The following TSC2 variants were observed in gnomAD, a reference collection of about 807,000 sequenced individuals.
The protein encoded by TSC2 is TSC complex subunit 2.
TSC2 carries 29 observed loss-of-function variants against 202.2 expected under a neutral mutation model. The observed-to-expected ratio is 0.14, with a 90% CI of 0.11 to 0.20. TSC2 has a LOEUF of 0.20. Ranked by LOEUF, TSC2 falls within the 10% of genes least tolerant of loss-of-function variation. The pLI is 1.00. For missense variants in TSC2, 2,429 were observed against 2,420.0 expected, an observed-to-expected ratio of 1.00 and a Z score of -0.08; for synonymous variants, 1,349 against 1,044.0, an observed-to-expected ratio of 1.29 and a Z score of -5.63.
At position 2,077,474 on chromosome 16, in the gene TSC2, G is replaced by A. The variant is rs976314790; in HGVS notation, c.2838-124G>A. 2.2e-5 allele frequency: 32 copies of A among 1,454,146 alleles called. 1 individual carries two copies. Among genetic ancestry groups the A allele is most frequent in the South Asian group, 9.3e-5 (8 of 85,912 alleles). The allele number at this position is 1,454,146 out of a possible 1,614,324, so 90.1% of individuals were successfully genotyped here. ...ATGGCTCTTTTTGCTCATCTCACCC[G>A]CGGGATCTCTCCATCCTGACCCTGT... On this transcript the variant is annotated intron_variant, in intron 25 of 41. Transcript: ENST00000219476.
At chr16:2,064,122 T>G (rs1164356792) in intron 14 of TSC2, 150 bp from the exon 15 acceptor site, 2 of 1,297,490 alleles carry the variant, frequency 1.5e-6, no homozygotes, top group African/African-American at 2.9e-5. Flanking sequence ...TGAGTCGCGC[T>G]CAGCGGGTGC....
chr16:2,078,626 C>A, intron 26 of TSC2: 1 of 321,708 alleles, frequency 3.1e-6, no homozygotes. Flanking sequence ...TGGAAGGCCA[C>A]ATGGGGATCC....
chr16:2,082,097 C>T lies in TSC2; in HGVS notation c.3814+299C>T. The T allele has an allele frequency of 5.1e-6, 3 of 588,728 alleles. No homozygotes were observed. In the South Asian group the frequency reaches 5.9e-5, roughly 12 times the overall value. 36.5% of individuals were successfully genotyped at this position (588,728 alleles called of 1,614,324 possible). A position where few individuals can be genotyped will look rare whatever the true frequency, so the allele number is the denominator to read the frequency against. On this transcript the variant is annotated intron_variant, in intron 31 of 41. Transcript: ENST00000219476. ...GCTCCAGGAGGCTCTGCGGCAGCCT[C>T]CCTCCCTGCCTGGGCCCAGGTTTGG...
At chr16:2,068,018 G>C (rs9936678) in intron 16 of TSC2, among the ~76,000 whole-genome samples, 5,139 of 152,250 alleles carry the variant, frequency 0.034, 291 homozygotes, top group African/African-American at 0.12. Context: ...TTGAGGCAGA[G>C]TCCTGGTTCT....
At chr16:2,065,689 C>T in intron 16 of TSC2, 54 bp downstream of exon 16, 1 of 1,458,028 alleles carries the variant, frequency 6.9e-7, no homozygotes, top group Non-Finnish European at 9.6e-7. Context: ...CTAGCGTCCA[C>T]CAGCTGCATC....
chr16:2,061,613 A>G (rs969607754), intron 11 of TSC2: 10 of 547,922 alleles, frequency 1.8e-5, no homozygotes, highest in African/African-American at 9.4e-5. Context: ...CATCACAGCC[A>G]CTGTGGCCCC....
rs369524855 is a variant in TSC2, at chr16:2,079,036, A to G, written c.2971A>G (p.Ile991Val). Residue 991 changes from isoleucine (I) to valine (V), a missense_variant, in exon 27 of 42, where the codon ATA becomes GTA. Coordinates refer to ENST00000219476, the MANE Select transcript of TSC2 (RefSeq NM_000548.5). The surrounding 1 kb of genome is among the most constrained non-coding windows in gnomAD (Gnocchi z 4.6). ...SVSEHVVRSR[I>V]QTSLTSASLG... ...GGTCACGGCCTCTCCCTCCAGCAGG[A>G]TACAGACGTCCCTCACCAGTGCCAG... is the stretch of plus-strand genomic sequence containing the variant. The G allele has an allele frequency of 1.9e-6, 3 of 1,612,572 alleles. No homozygotes were observed. The highest frequency in any genetic ancestry group is 1.3e-5 in the African/African-American group (1 of 74,906).
intron 16 of TSC2, chr16:2,068,918 C>T (rs1315291215): frequency 6.6e-6 from 1 of 150,448 alleles, no homozygotes; most frequent in Non-Finnish European, 1.5e-5. Flanking sequence ...AAATACATTT[C>T]CTGTTCCTTA....
chr16:2,071,665 G>A (rs765248569), intron 18 of TSC2, 49 bp downstream of exon 18: 7 of 1,609,600 alleles, frequency 4.3e-6, no homozygotes, highest in Admixed American at 1.7e-5. Flanking sequence ...CGTCAGAGGC[G>A]CTGGGGCTGT....
chr16:2,076,615 G>T lies in TSC2; in HGVS notation c.2837+30G>T, dbSNP rs771870184. On this transcript the variant is annotated intron_variant, in intron 25 of 41. Transcript: ENST00000219476. ...GGCCTGCGGGGGTGTGCCTGGAGTC[G>T]GTGTGGGGTGGGGAAGGACATGGGG... is the stretch of plus-strand genomic sequence containing the variant. 51 of 1,609,472 alleles carry T rather than the reference G, an allele frequency of 3.2e-5. No individual in the cohort carries two copies. In the Admixed American group the frequency reaches 5.8e-4, roughly 18 times the overall value.
At chr16:2,073,767 A>G (rs1041288324) in intron 21 of TSC2, among the ~76,000 whole-genome samples, 2 of 152,210 alleles carry the variant, frequency 1.3e-5, no homozygotes, top group Non-Finnish European at 1.5e-5. Flanking sequence ...GCTTTGGGAA[A>G]TGGAAGCTGT....
intron 9 of TSC2, 78 bp downstream of exon 9, chr16:2,057,256 A>C (rs2085982100): frequency 1.3e-5 from 20 of 1,502,002 alleles, no homozygotes; most frequent in Non-Finnish European, 1.8e-5. Flanking sequence ...CTTGCCAAGC[A>C]CACACTGGCT....
chr16:2,087,433 G>A (rs2090958219), intron 38 of TSC2, among the ~76,000 whole-genome samples: 1 of 151,724 alleles, frequency 6.6e-6, no homozygotes, highest in Admixed American at 6.6e-5. Context: ...CAGAGTCCAG[G>A]AGGGGCAGGA....
chr16:2,071,351 C>T (rs1017973419), intron 17 of TSC2, 159 bp from the exon 18 acceptor site: 8 of 742,352 alleles, frequency 1.1e-5, no homozygotes, highest in Non-Finnish European at 1.9e-5. Context: ...GTCACCAGGA[C>T]AGAGCCTGTG....
intron 22 of TSC2, among the ~76,000 whole-genome samples, chr16:2,075,475 C>G (rs574145274): frequency 7.6e-6 from 1 of 131,288 alleles, no homozygotes; most frequent in Non-Finnish European, 1.5e-5. Flanking sequence ...TGCAGTGAGC[C>G]GGGATCGCGC....
chr16:2,085,093 A>G, intron 35 of TSC2, 67 bp downstream of exon 35: 1 of 1,607,354 alleles, frequency 6.2e-7, no homozygotes, highest in Non-Finnish European at 8.5e-7. Flanking sequence ...TGGGGGGCCC[A>G]GCTCTGCTGC....
chr16:2,087,190 G>A, intron 38 of TSC2: 1 of 443,230 alleles, frequency 2.3e-6, no homozygotes, highest in Non-Finnish European at 4.2e-6. Flanking sequence ...CTCCCCAGTG[G>A]CAGCTGTCAG....
chr16:2,088,723 T>TA lies in TSC2; in HGVS notation c.*113_*114insA. On this transcript the variant is annotated 3_prime_UTR_variant, in exon 42 of 42. Coordinates refer to ENST00000219476, the MANE Select transcript of TSC2 (RefSeq NM_000548.5). ...GAGGCACAGATTGCAGTCAGACAGC[T>TA]CTTTTATTGACTTTGTCTGCTTGGT... is the stretch of plus-strand genomic sequence containing the variant. 7.2e-7 allele frequency: 1 copy of TA among 1,394,694 alleles called. No homozygotes were observed. The highest frequency in any genetic ancestry group is 9.7e-7 in the Non-Finnish European group (1 of 1,031,336). The allele number at this position is 1,394,694 out of a possible 1,614,324, so 86.4% of individuals were successfully genotyped here. A position where few individuals can be genotyped will look rare whatever the true frequency, so the allele number is the denominator to read the frequency against.
At chr16:2,048,961 C>T (rs2084729146) in intron 2 of TSC2, among the ~76,000 whole-genome samples, 1 of 152,162 alleles carries the variant, frequency 6.6e-6, no homozygotes, top group Non-Finnish European at 1.5e-5. Context: ...ACTTGAGTTA[C>T]TATTCAGATG....
Sources: allele counts gnomAD v4.1 joint callset (sites outside exome capture counted in the v4.1 genomes callset), GRCh38; gene constraint gnomAD v4.1.1; non-coding constraint Gnocchi (gnomAD v3.1); transcripts MANE v1.5; gene names NCBI Gene and HGNC (gene_info 2026-07-23, HGNC 2026-07-21).